The following SH3PXD2A variants were observed in gnomAD, a reference collection of about 807,000 sequenced individuals.
The protein encoded by SH3PXD2A is SH3 and PX domains 2A.
SH3PXD2A carries 32 observed loss-of-function variants against 115.2 expected under a neutral mutation model. That is an observed-to-expected ratio of 0.28 (90% confidence interval 0.21 to 0.37). The LOEUF (loss-of-function observed/expected upper bound fraction) is 0.37, where lower values mean the gene tolerates loss of function less well. Among genes scored for constraint, SH3PXD2A ranks in the 10% least tolerant of loss-of-function variants. The probability of loss-of-function intolerance (pLI) is 1.00; values close to 1 mark genes in which losing one functional copy is unlikely to be tolerated. For synonymous variants in SH3PXD2A, 610 were observed against 629.1 expected (o/e 0.97, Z 0.45); for missense variants, 1,328 against 1,498.7 (o/e 0.89, Z 1.88).
In SH3PXD2A at chr10:103,598,735, T is replaced by C. The variant is rs2036172695; in HGVS notation, c.*3081A>G. On this transcript the variant is annotated 3_prime_UTR_variant, in exon 15 of 15. Coordinates refer to ENST00000369774, the MANE Select transcript of SH3PXD2A (RefSeq NM_001394015.1). ...CCTTCAGCATCACAAAGCAGCTCAG[T>C]AGCTCAAGGGAAAGGCCCTCTCGCC... The C allele has an allele frequency of 6.6e-6, 1 of 152,634 alleles. No homozygotes were observed. Among genetic ancestry groups the C allele is most frequent in the African/African-American group, 2.4e-5 (1 of 41,456 alleles). The allele number at this position is 152,634 out of a possible 1,614,324, so 9.5% of individuals were successfully genotyped here.
chr10:103,752,983 T>C (rs938861979), intron 3 of SH3PXD2A, among the ~76,000 whole-genome samples: 4 of 152,146 alleles, frequency 2.6e-5, no homozygotes, highest in Non-Finnish European at 5.9e-5. Flanking sequence ...AAGAATGTGA[T>C]ACTTTATTAA....
intron 5 of SH3PXD2A, among the ~76,000 whole-genome samples, chr10:103,699,931 C>G (rs2037872523): frequency 6.6e-6 from 1 of 152,196 alleles, no homozygotes; most frequent in Admixed American, 6.5e-5. Flanking sequence ...GAGAAGGGGT[C>G]TTGGGGCTCC....
At chr10:103,783,020 A>G (rs2038947179) in intron 2 of SH3PXD2A, among the ~76,000 whole-genome samples, 1 of 151,404 alleles carries the variant, frequency 6.6e-6, no homozygotes, top group Admixed American at 6.6e-5. Flanking sequence ...GACCTGAGGG[A>G]AGGGACTGCA....
intron 7 of SH3PXD2A, among the ~76,000 whole-genome samples, chr10:103,664,828 G>GGC (rs2037363294): frequency 6.6e-6 from 1 of 151,224 alleles, no homozygotes. Context: ...CACCATACCT[G>GGC]GCTAAATTTT....
chr10:103,762,014 C>T (rs1484502149), intron 3 of SH3PXD2A, among the ~76,000 whole-genome samples: 68 of 90,674 alleles, frequency 7.5e-4, no homozygotes, highest in Non-Finnish European at 9.0e-4. Context: ...ATCAACACGT[C>T]TTTTTTTTTT....
intron 14 of SH3PXD2A, among the ~76,000 whole-genome samples, chr10:103,604,254 T>C (rs563690916): frequency 9.8e-5 from 15 of 152,316 alleles, no homozygotes; most frequent in Non-Finnish European, 2.2e-4. Context: ...AAGATGCAGA[T>C]GAAGTGACCT....
intron 5 of SH3PXD2A, among the ~76,000 whole-genome samples, chr10:103,715,386 T>C (rs1376842253): frequency 1.3e-5 from 2 of 152,206 alleles, no homozygotes; most frequent in East Asian, 3.8e-4. Flanking sequence ...CAATTTCAGC[T>C]TTGACCCTTG....
chr10:103,810,397 G>T (rs1007777158), intron 1 of SH3PXD2A, among the ~76,000 whole-genome samples: 2 of 152,178 alleles, frequency 1.3e-5, no homozygotes, highest in East Asian at 1.9e-4. Flanking sequence ...GACAAATCAC[G>T]GAGGGACAGT....
intron 1 of SH3PXD2A, among the ~76,000 whole-genome samples, chr10:103,835,736 CACA>C (rs1321919090): frequency 6.6e-6 from 1 of 152,270 alleles, no homozygotes; most frequent in African/African-American, 2.4e-5. Context: ...TCCTCTGGGT[CACA>C]ACAACTTTTC....
chr10:103,693,079 T>G (rs761612147), intron 5 of SH3PXD2A, 23 bp from the exon 6 acceptor site: 1 of 1,611,138 alleles, frequency 6.2e-7, no homozygotes, highest in Non-Finnish European at 8.5e-7. Context: ...CAACAACAGA[T>G]AGACATGGTT....
chr10:103,853,916 A>G, intron 1 of SH3PXD2A, among the ~76,000 whole-genome samples: 1 of 152,254 alleles, frequency 6.6e-6, no homozygotes, highest in East Asian at 1.9e-4. Context: ...ACAGCAGCAG[A>G]AAATGCTTGC....
intron 1 of SH3PXD2A, among the ~76,000 whole-genome samples, chr10:103,825,765 T>TTTA: frequency 6.7e-6 from 1 of 149,876 alleles, no homozygotes; most frequent in African/African-American, 2.5e-5. Flanking sequence ...GTAACAAATT[T>TTTA]TTTTTTTTTT....
chr10:103,816,342 C>G (rs2039323399), intron 1 of SH3PXD2A, among the ~76,000 whole-genome samples: 1 of 152,070 alleles, frequency 6.6e-6, no homozygotes. Flanking sequence ...TTAAAATGGG[C>G]AAAGGATCTG....
chr10:103,843,380 A>G (rs932553800), intron 1 of SH3PXD2A, among the ~76,000 whole-genome samples: 2 of 152,210 alleles, frequency 1.3e-5, no homozygotes, highest in Non-Finnish European at 2.9e-5. Context: ...CATGGGGCTG[A>G]AAATACCAGG....
chr10:103,692,775 G>A (rs2037772584), intron 6 of SH3PXD2A, among the ~76,000 whole-genome samples: 1 of 152,158 alleles, frequency 6.6e-6, no homozygotes, highest in African/African-American at 2.4e-5. Context: ...ACACCCACTA[G>A]GGACAGCGAG....
intron 1 of SH3PXD2A, among the ~76,000 whole-genome samples, chr10:103,822,895 G>A (rs890791947): frequency 2.6e-5 from 4 of 152,168 alleles, no homozygotes; most frequent in Admixed American, 6.5e-5. Flanking sequence ...AAATCAGAAC[G>A]ACAAGATGTT....
chr10:103,623,858 G>A (rs1428798792), intron 9 of SH3PXD2A, among the ~76,000 whole-genome samples: 2 of 152,236 alleles, frequency 1.3e-5, no homozygotes, highest in Non-Finnish European at 2.9e-5. Context: ...GGGGAGGTGT[G>A]TAGGGCTTCT....
chr10:103,808,868 G>C (rs2039235127), intron 1 of SH3PXD2A, among the ~76,000 whole-genome samples: 1 of 152,138 alleles, frequency 6.6e-6, no homozygotes, highest in Non-Finnish European at 1.5e-5. Context: ...TGGACACACT[G>C]AGATAATGAC....
intron 4 of SH3PXD2A, among the ~76,000 whole-genome samples, chr10:103,729,873 T>C (rs1254778251): frequency 1.3e-5 from 2 of 152,152 alleles, no homozygotes; most frequent in African/African-American, 2.4e-5. Flanking sequence ...CTCAAGACCA[T>C]TTCATGGGGG....
Sources: allele counts gnomAD v4.1 joint callset (sites outside exome capture counted in the v4.1 genomes callset), GRCh38; gene constraint gnomAD v4.1.1; transcripts MANE v1.5; gene names NCBI Gene and HGNC (gene_info 2026-07-23, HGNC 2026-07-21).